The following ANKRD26 variants were observed in gnomAD, a reference collection of about 807,000 sequenced individuals.
ANKRD26 encodes ankyrin repeat domain 26.
Under a neutral mutation model 208.7 loss-of-function variants are expected in ANKRD26, and 141 were observed. That is an observed-to-expected ratio of 0.68 (90% confidence interval 0.59 to 0.78). ANKRD26 has a LOEUF of 0.78. Ranked by LOEUF, ANKRD26 falls within the 30% of genes least tolerant of loss-of-function variation. ANKRD26 has a pLI of 0.00. For missense variants in ANKRD26, 1,889 were observed against 1,938.7 expected, an observed-to-expected ratio of 0.97 and a Z score of 0.48; for synonymous variants, 636 against 660.4, an observed-to-expected ratio of 0.96 and a Z score of 0.57.
chr10:27,057,537 A>G (rs781286728), intron 15 of ANKRD26, among the ~76,000 whole-genome samples: 3 of 152,248 alleles, frequency 2.0e-5, no homozygotes, highest in Non-Finnish European at 2.9e-5. Context: ...TTTAATAAAT[A>G]AACTTTAAAT....
downstream of ANKRD26, among the ~76,000 whole-genome samples, chr10:26,972,124 A>G (rs940668184): frequency 2.0e-5 from 3 of 151,362 alleles, no homozygotes; most frequent in African/African-American, 4.9e-5. Flanking sequence ...AGTCCCAGCT[A>G]CTCGGGAGGC....
chr10:27,006,935 T>C lies in ANKRD26; in HGVS notation c.4981A>G (p.Thr1661Ala). The C allele has an allele frequency of 6.2e-7, 1 of 1,610,078 alleles. No homozygotes were observed. Among genetic ancestry groups the C allele is most frequent in the Non-Finnish European group, 8.5e-7 (1 of 1,177,240 alleles). Residue 1661 changes from threonine to alanine, a missense_variant, in exon 33 of 34, where the codon ACT (threonine) becomes GCT (alanine). By Grantham distance (58) the Thr-to-Ala change is moderately conservative (BLOSUM62 0). Around this residue, in one of 3 missense-constraint regions of ANKRD26, gnomAD observed 613 missense variants for 648.2 expected, o/e 0.95. Transcript: ENST00000376087. ...KMQQELEKNI[T>A]RELKEAAAEL... ...AACATACCTTCTTTGAGTTCTCTAG[T>C]TATATTTTTTTCCAACTCCTGCTGC... is the stretch of plus-strand genomic sequence containing the variant.
chr10:26,972,126 T>A (rs7083260), downstream of ANKRD26, among the ~76,000 whole-genome samples: 1 of 151,284 alleles, frequency 6.6e-6, no homozygotes, highest in African/African-American at 2.4e-5. Flanking sequence ...TCCCAGCTAC[T>A]CGGGAGGCTG....
intron 4 of ANKRD26, among the ~76,000 whole-genome samples, chr10:27,091,513 T>C (rs894974523): frequency 3.3e-5 from 5 of 152,076 alleles, no homozygotes; most frequent in African/African-American, 1.2e-4. Flanking sequence ...TATCTGGCAA[T>C]AGCGATCAAC....
rs2052826039 is a variant in ANKRD26 at position 27,005,125 on chromosome 10, C to T, written c.*465G>A. ...GGCAAATCTTGTTTCTCCCTGAGAA[C>T]AGCTATATAAATCAGTGCTTAAAAT... is the stretch of plus-strand genomic sequence containing the variant. On this transcript the variant is annotated 3_prime_UTR_variant, in exon 34 of 34. Coordinates refer to ENST00000376087, the MANE Select transcript of ANKRD26 (RefSeq NM_014915.3). The T allele has an allele frequency of 2.0e-6, 2 of 984,792 alleles. No individual in the cohort carries two copies. The highest frequency in any genetic ancestry group is 6.2e-5 in the Admixed American group (1 of 16,254). The allele number at this position is 984,792 out of a possible 1,614,324, so 61.0% of individuals were successfully genotyped here. A position where few individuals can be genotyped will look rare whatever the true frequency, so the allele number is the denominator to read the frequency against.
chr10:27,016,524 A>G (rs1240195403), intron 30 of ANKRD26, among the ~76,000 whole-genome samples: 2 of 149,080 alleles, frequency 1.3e-5, no homozygotes, highest in African/African-American at 4.9e-5. Flanking sequence ...TGATCCGTCC[A>G]CCTCGGCTTC....
intron 29 of ANKRD26, among the ~76,000 whole-genome samples, chr10:27,021,965 G>C (rs1001507493): frequency 6.6e-6 from 1 of 152,068 alleles, no homozygotes; most frequent in African/African-American, 2.4e-5. Flanking sequence ...TGCATAGTTT[G>C]CAAAAATTTT....
At chr10:27,100,008 T>C in intron 1 of ANKRD26, 77 bp downstream of exon 1, 3 of 1,602,908 alleles carry the variant, frequency 1.9e-6, no homozygotes, top group East Asian at 2.2e-5. Context: ...AGGCCCTGGG[T>C]GGCTCCCACA....
intron 16 of ANKRD26, chr10:27,051,628 G>A (rs2054662822): frequency 5.1e-6 from 5 of 985,156 alleles, no homozygotes; most frequent in Non-Finnish European, 6.0e-6. Flanking sequence ...TTTAAATAAG[G>A]CTTAGAAGAT....
At position 27,093,541 on chromosome 10, in the gene ANKRD26, G is replaced by GA. The variant is rs2056368871; in HGVS notation, c.358-20dup. 6.2e-7 allele frequency: 1 copy of GA among 1,613,818 alleles called. No homozygotes were observed. The highest frequency in any genetic ancestry group is 1.3e-5 in the African/African-American group (1 of 75,040). On this transcript the variant is annotated intron_variant, in intron 2 of 33. Transcript: ENST00000376087. ...GTACAGCCTGGGAGTATTAGACCAA[G>GA]AAACAGATCATAAATTCTAGGAATG...
the ANKRD26 span, among the ~76,000 whole-genome samples, chr10:26,949,103 A>G: frequency 6.6e-6 from 1 of 152,098 alleles, no homozygotes; most frequent in Non-Finnish European, 1.5e-5. Context: ...TTTTTATTCT[A>G]TTATAGAATT....
the ANKRD26 span, among the ~76,000 whole-genome samples, chr10:26,965,559 G>A: frequency 1.3e-5 from 2 of 152,086 alleles, no homozygotes; most frequent in African/African-American, 2.4e-5. Flanking sequence ...TACCATTCAG[G>A]ACATAGGCAT....
At chr10:26,975,117 G>T (rs2052205625) in exon 6 of ANKRD26, among the ~76,000 whole-genome samples, 1 of 152,212 alleles carries the variant, frequency 6.6e-6, no homozygotes, top group African/African-American at 2.4e-5. Context: ...AACTAAAAGT[G>T]TATGTTAAAT....
Position 27,005,143 on chromosome 10 carries a change from CTTAAAA to C in ANKRD26, c.*441_*446del, listed in dbSNP as rs765804997. 19 of 986,164 alleles carry C rather than the reference CTTAAAA, an allele frequency of 1.9e-5. No individual in the cohort carries two copies. The highest frequency in any genetic ancestry group is 9.4e-5 in the South Asian group (2 of 21,382). The allele number at this position is 986,164 out of a possible 1,614,324, so 61.1% of individuals were successfully genotyped here. On this transcript the variant is annotated 3_prime_UTR_variant, in exon 34 of 34. Coordinates refer to ENST00000376087, the MANE Select transcript of ANKRD26 (RefSeq NM_014915.3). ...CTGAGAACAGCTATATAAATCAGTGCTTAAAATTAAAATTATGTAAATTTGATGGCA... is the reference window on the plus strand; with the variant it reads ...CTGAGAACAGCTATATAAATCAGTGCTTAAAATTATGTAAATTTGATGGCA...
downstream of ANKRD26, among the ~76,000 whole-genome samples, chr10:27,000,702 T>C (rs534494708): frequency 1.2e-4 from 18 of 152,270 alleles, no homozygotes; most frequent in South Asian, 3.7e-3. Context: ...AAGATCTCTA[T>C]AAGTTAACAA....
chr10:27,021,134 C>A (rs867065672), intron 29 of ANKRD26, among the ~76,000 whole-genome samples: 1 of 152,170 alleles, frequency 6.6e-6, no homozygotes, highest in African/African-American at 2.4e-5. Context: ...GAAACCTCAG[C>A]GTCTGTTGTT....
rs749851783 is a variant in ANKRD26, at chr10:27,066,506, T to G, written c.1250A>C (p.Glu417Ala). ...ALGLGQEEDIESPWDSESISE... is the reference protein window; with the variant it reads ...ALGLGQEEDIASPWDSESISE... ...AAGTACCTCAGAATCCCAAGGTGAT[T>G]CTATATCTTCCTCTTGTCCTAATCC... The change falls in exon 11 of 34, where the codon GAA becomes GCA. Residue 417 changes from glutamate to alanine, a missense_variant. By Grantham distance (107) the Glu-to-Ala change is moderately radical. This residue lies in a region of ANKRD26 where 1,272 missense variants were observed against 1,273.8 expected (regional missense o/e 1.00). Coordinates refer to ENST00000376087, the MANE Select transcript of ANKRD26 (RefSeq NM_014915.3). The G allele has an allele frequency of 1.4e-5, 22 of 1,599,588 alleles. No individual in the cohort carries two copies. The South Asian group carries it at 2.4e-4, about 18-fold the overall frequency.
the ANKRD26 span, among the ~76,000 whole-genome samples, chr10:26,960,709 C>A: frequency 6.6e-6 from 1 of 152,190 alleles, no homozygotes; most frequent in Non-Finnish European, 1.5e-5. Context: ...CTCTTTCCAT[C>A]TTATAAATAC....
chr10:26,995,255 A>G (rs181773275), intron 4 of ANKRD26: 1 of 457,552 alleles, frequency 2.2e-6, no homozygotes, highest in Non-Finnish European at 4.5e-6. Context: ...TTGAGTTATG[A>G]TGAGAGTTTA....
Sources: gnomAD v4.1 joint callset for allele counts (sites outside exome capture counted in the v4.1 genomes callset) on GRCh38, gnomAD v4.1.1 for gene constraint, gnomAD v4.1.1 regional missense constraint, MANE v1.5 for transcripts, NCBI Gene and HGNC (gene_info 2026-07-23, HGNC 2026-07-21) for gene names.